Variants in GPC6 observed in about 807,000 individuals in gnomAD.
The protein encoded by GPC6 is glypican-6.
In GPC6, 14 loss-of-function variants were observed where a neutral mutation model predicts 55.2. The ratio of observed to expected loss-of-function variants is 0.25; its 90% CI spans 0.17 to 0.40. The LOEUF is 0.40. Ranked by LOEUF, GPC6 falls within the 10% of genes least tolerant of loss-of-function variation. The pLI is 1.00. For missense variants in GPC6, 641 were observed against 708.5 expected (o/e 0.90, Z 1.08); for synonymous variants, 278 against 259.6 (o/e 1.07, Z -0.68).
intron 3 of GPC6, among the ~76,000 whole-genome samples, chr13:93,866,332 G>C (rs559662985): frequency 2.0e-5 from 3 of 151,662 alleles, no homozygotes; most frequent in South Asian, 4.1e-4. Flanking sequence ...ATGAATCTCA[G>C]AGATATACAG....
At chr13:93,384,487 C>G (rs571451686) in intron 1 of GPC6, among the ~76,000 whole-genome samples, 1 of 151,370 alleles carries the variant, frequency 6.6e-6, no homozygotes, top group South Asian at 2.1e-4. Flanking sequence ...TAAAGAATTG[C>G]TAACAGAATT....
intron 4 of GPC6, among the ~76,000 whole-genome samples, chr13:94,090,650 T>C (rs1418438420): frequency 6.9e-6 from 1 of 144,130 alleles, no homozygotes; most frequent in East Asian, 2.0e-4. Flanking sequence ...TAATTTTATT[T>C]TATAATAACT....
At chr13:94,136,704 C>T (rs543781636) in intron 4 of GPC6, among the ~76,000 whole-genome samples, 1 of 152,030 alleles carries the variant, frequency 6.6e-6, no homozygotes, top group African/African-American at 2.4e-5. Context: ...AGCGAGACTC[C>T]ATCTCAAAAA....
chr13:93,568,137 C>A (rs141034710), intron 2 of GPC6, among the ~76,000 whole-genome samples: 106 of 152,252 alleles, frequency 7.0e-4, no homozygotes, highest in Middle Eastern at 3.4e-3. Context: ...GATGCATCTT[C>A]TAAACTTTGA....
intron 2 of GPC6, among the ~76,000 whole-genome samples, chr13:93,614,662 A>AT (rs900129581): frequency 2.5e-4 from 38 of 152,134 alleles, no homozygotes; most frequent in African/African-American, 7.0e-4. Context: ...ATCCCCCTAT[A>AT]TTTTTTTCAA....
chr13:94,252,774 T>C (rs1891396036), intron 4 of GPC6, among the ~76,000 whole-genome samples: 1 of 152,016 alleles, frequency 6.6e-6, no homozygotes, highest in Admixed American at 6.6e-5. Flanking sequence ...CCAAAAGCCA[T>C]AAATGATAGG....
In GPC6 at chr13:94,357,016, CCT is replaced by C. The variant is rs1275825855; in HGVS notation, c.1153-25397_1153-25396del. Among the ~76,000 whole-genome samples, 7 of 152,260 alleles carry C rather than the reference CCT, an allele frequency of 4.6e-5. No homozygotes were observed. The East Asian group carries it at 5.8e-4, about 13-fold the overall frequency. On this transcript the variant is annotated intron_variant, in intron 6 of 8. Coordinates refer to ENST00000377047, the MANE Select transcript of GPC6 (RefSeq NM_005708.5). ...TGAACAAGACACCACTCGTCTGTCC[CCT>C]GTCATCAATCTGGACCATTGCCCAC...
intron 2 of GPC6, among the ~76,000 whole-genome samples, chr13:93,636,568 C>T (rs1406607125): frequency 6.6e-6 from 1 of 152,180 alleles, no homozygotes; most frequent in East Asian, 1.9e-4. Flanking sequence ...GATCAGAAAT[C>T]TGCCATGTCC....
At chr13:93,486,255 A>G (rs1242439673) in intron 1 of GPC6, among the ~76,000 whole-genome samples, 1 of 152,160 alleles carries the variant, frequency 6.6e-6, no homozygotes, top group Non-Finnish European at 1.5e-5. Context: ...GAGGTGAGCA[A>G]ATGTCACAGT....
intron 3 of GPC6, among the ~76,000 whole-genome samples, chr13:93,936,432 C>T (rs1308218256): frequency 2.0e-5 from 3 of 151,888 alleles, no homozygotes; most frequent in Non-Finnish European, 4.4e-5. Context: ...CATCTATATG[C>T]ATACACATCT....
intron 6 of GPC6, among the ~76,000 whole-genome samples, chr13:94,357,902 G>A (rs552782398): frequency 1.3e-5 from 2 of 149,484 alleles, no homozygotes; most frequent in South Asian, 4.1e-4. Flanking sequence ...TAGAACCGAT[G>A]TCTTTTCATC....
chr13:94,326,934 A>G (rs936724062), intron 6 of GPC6, among the ~76,000 whole-genome samples: 2 of 152,238 alleles, frequency 1.3e-5, no homozygotes, highest in African/African-American at 4.8e-5. Flanking sequence ...TAGAAATGCA[A>G]GCGTGGGAAA....
intron 4 of GPC6, among the ~76,000 whole-genome samples, chr13:94,142,975 C>T (rs1176115946): frequency 2.0e-5 from 3 of 151,566 alleles, no homozygotes; most frequent in African/African-American, 4.8e-5. Context: ...ACTACAGGCA[C>T]GTGCCACCAC....
At chr13:93,764,465 G>A (rs904294027) in intron 2 of GPC6, among the ~76,000 whole-genome samples, 9 of 151,808 alleles carry the variant, frequency 5.9e-5, no homozygotes, top group African/African-American at 2.2e-4. Flanking sequence ...ATATCTACTA[G>A]GAATAAATTA....
intron 3 of GPC6, among the ~76,000 whole-genome samples, chr13:93,937,946 A>C (rs1325069639): frequency 1.3e-5 from 2 of 152,202 alleles, no homozygotes; most frequent in Non-Finnish European, 2.9e-5. Flanking sequence ...ATAAATACTA[A>C]ACAATTTCCA....
intron 3 of GPC6, among the ~76,000 whole-genome samples, chr13:93,977,470 GT>G (rs1566630980): frequency 3.7e-3 from 18 of 4,818 alleles, no homozygotes; most frequent in East Asian, 0.019. Context: ...GACAAGGGGT[GT>G]GTGTGTGTGT....
chr13:93,352,659 G>C (rs2139165918), intron 1 of GPC6, among the ~76,000 whole-genome samples: 1 of 152,134 alleles, frequency 6.6e-6, no homozygotes, highest in South Asian at 2.1e-4. Context: ...AGGGAGGAGT[G>C]GGGAGTGGAA....
intron 3 of GPC6, among the ~76,000 whole-genome samples, chr13:93,975,819 G>T (rs1191168344): frequency 6.6e-6 from 1 of 152,096 alleles, no homozygotes; most frequent in Non-Finnish European, 1.5e-5. Flanking sequence ...TAAAACGTAG[G>T]TGTGATTAGG....
intron 2 of GPC6, among the ~76,000 whole-genome samples, chr13:93,798,521 C>T (rs1046158701): frequency 1.3e-5 from 2 of 152,116 alleles, no homozygotes; most frequent in Admixed American, 1.3e-4. Context: ...ATTTGCTGTG[C>T]TATGAAGGGT....
Sources: gnomAD v4.1 joint callset for allele counts (sites outside exome capture counted in the v4.1 genomes callset) on GRCh38, gnomAD v4.1.1 for gene constraint, MANE v1.5 for transcripts, NCBI Gene and HGNC (gene_info 2026-07-23, HGNC 2026-07-21) for gene names.